RASGRP4: variants seen among roughly 807,000 people sequenced by gnomAD.
RASGRP4 encodes RAS guanyl releasing protein 4.
A neutral mutation model predicts 84.4 loss-of-function variants in RASGRP4; 52 were observed. The observed-to-expected ratio is 0.62, with a 90% CI of 0.49 to 0.78. The LOEUF is 0.78. RASGRP4 is among the 30% of genes least tolerant of loss of function. The pLI is 0.00. For synonymous variants in RASGRP4, 356 were observed against 359.1 expected, an observed-to-expected ratio of 0.99 and a Z score of 0.10; for missense variants, 760 against 886.9, an observed-to-expected ratio of 0.86 and a Z score of 1.82.
Position 38,418,037 on chromosome 19 carries a change from C to G in RASGRP4, c.837+354G>C, listed in dbSNP as rs558543736. ...GAGCGATGCACAATCCCGAAGCGAC[C>G]GCTGGGGCCTGGGGACTGGGGATTG... On this transcript the variant is annotated intron_variant, in intron 7 of 16. Transcript: ENST00000615439. The surrounding 1 kb of genome is among the most constrained non-coding windows in gnomAD (Gnocchi z 4.6). Among the ~76,000 whole-genome samples the G allele has an allele frequency of 1.3e-5, 2 of 151,384 alleles. No homozygotes were observed. Among genetic ancestry groups the G allele is most frequent in the South Asian group, 4.2e-4 (2 of 4,790 alleles).
intron 8 of RASGRP4, 107 bp downstream of exon 8, chr19:38,416,944 AT>A: frequency 1.4e-6 from 1 of 696,450 alleles, no homozygotes. Context: ...CAAGGACTTC[AT>A]GTGGTACCAG....
intron 1 of RASGRP4, 117 bp from the exon 2 acceptor site, chr19:38,422,270 C>G (rs938249395): frequency 1.1e-6 from 1 of 893,972 alleles, no homozygotes; most frequent in Non-Finnish European, 1.7e-6. Context: ...AGGCAAAGCC[C>G]CAGGGTTACC....
At chr19:38,411,414 C>T (rs1192441668) in intron 13 of RASGRP4, 33 bp from the exon 14 acceptor site, 1 of 1,510,386 alleles carries the variant, frequency 6.6e-7, no homozygotes, top group Non-Finnish European at 8.9e-7. Flanking sequence ...GTTACCCATC[C>T]TAGGAGAGGG....
intron 8 of RASGRP4, among the ~76,000 whole-genome samples, chr19:38,415,717 C>T (rs968157067): frequency 3.3e-5 from 5 of 152,028 alleles, no homozygotes; most frequent in African/African-American, 1.2e-4. Context: ...CTCTGTCACC[C>T]AGGCTGGAGT....
chr19:38,419,380 C>G (rs1971639135), intron 6 of RASGRP4, among the ~76,000 whole-genome samples: 1 of 152,212 alleles, frequency 6.6e-6, no homozygotes, highest in Non-Finnish European at 1.5e-5. Flanking sequence ...ATTTTGAGCA[C>G]TTACTAAGTG....
rs1600571711 is a variant in RASGRP4 at position 38,420,236 on chromosome 19, A to G, written c.404T>C (p.Val135Ala). The G allele has an allele frequency of 5.6e-6, 9 of 1,613,160 alleles. No individual in the cohort carries two copies. The East Asian group carries it at 2.0e-4, about 36-fold the overall frequency. Residue 135 changes from valine to alanine, a missense_variant, in exon 5 of 17, where the codon GTG (valine) becomes GCG (alanine). Transcript: ENST00000615439. Reference sequence around the variant, plus strand: ...TTCTAGCTGGGGATCCTGGTGCATCACCTCAGGGTGTCGCATCAGCCAGTA... The same window carrying G: ...TTCTAGCTGGGGATCCTGGTGCATCGCCTCAGGGTGTCGCATCAGCCAGTA... ...VRYWLMRHPE[V>A]MHQDPQLEEV... is the part of the protein sequence containing the mutation.
At chr19:38,420,685 A>C (rs1197331745) in intron 4 of RASGRP4, among the ~76,000 whole-genome samples, 1 of 125,476 alleles carries the variant, frequency 8.0e-6, no homozygotes, top group Non-Finnish European at 1.6e-5. Flanking sequence ...GGTCTATGGG[A>C]TCTGGTTGGT....
chr19:38,421,636 C>G (rs1971755885), intron 2 of RASGRP4, among the ~76,000 whole-genome samples: 1 of 151,970 alleles, frequency 6.6e-6, no homozygotes, highest in Non-Finnish European at 1.5e-5. Context: ...CTCTTGAACC[C>G]AGGAGGTGGG....
At chr19:38,424,619 G>GT (rs762407850) in intron 1 of RASGRP4, among the ~76,000 whole-genome samples, 1 of 142,748 alleles carries the variant, frequency 7.0e-6, no homozygotes, top group African/African-American at 2.6e-5. Flanking sequence ...GTGTCAATGG[G>GT]GGGGGGGGTC....
Position 38,413,153 on chromosome 19 carries a change from C to T in RASGRP4, c.1416+40G>A, listed in dbSNP as rs1971341612. On this transcript the variant is annotated intron_variant, in intron 11 of 16. Transcript: ENST00000615439. The surrounding 1 kb of genome is among the most constrained non-coding windows in gnomAD (Gnocchi z 4.7). ...GCTCAGGGTTCTACAGATGTCTTCC[C>T]TCCTGGCTGCTGGCGGCCGGGCCAC... The T allele has an allele frequency of 1.3e-6, 2 of 1,595,138 alleles. No homozygotes were observed. Among genetic ancestry groups the T allele is most frequent in the Non-Finnish European group, 1.7e-6 (2 of 1,163,654 alleles).
In RASGRP4 at chr19:38,412,599, T is replaced by C. The variant is rs1374236310; in HGVS notation, c.1680+73A>G. 1.4e-6 allele frequency: 2 copies of C among 1,421,900 alleles called. No homozygotes were observed. The highest frequency in any genetic ancestry group is 1.9e-6 in the Non-Finnish European group (2 of 1,045,196). The allele number at this position is 1,421,900 out of a possible 1,614,324, so 88.1% of individuals were successfully genotyped here. A position where few individuals can be genotyped will look rare whatever the true frequency, so the allele number is the denominator to read the frequency against. On this transcript the variant is annotated intron_variant, in intron 13 of 16. Transcript: ENST00000615439. This position sits in a 1 kb window ranked among gnomAD's most constrained non-coding sequence, Gnocchi z 4.6. The stretch of plus-strand genomic sequence containing the variant: ...CTGGAGGATTTCTGGAATTTGGGGG[T>C]TATCTGGGGTTTGCGGACTGCCGGC...
At position 38,412,770 on chromosome 19, in the gene RASGRP4, C is replaced by G; in HGVS notation, c.1582G>C (p.Ala528Pro). ...REELTGYLLRASAICSKLGLA... is the reference protein window; with the variant it reads ...REELTGYLLRPSAICSKLGLA... ...CCCAACTTGGAGCAGATGGCGCTGG[C>G]CCGGAGCAGGTACCCTGTCAGCTCC... Residue 528 changes from alanine (A) to proline (P), a missense_variant, in exon 13 of 17, where the codon GCC becomes CCC. Physicochemically the swap from Ala to Pro is conservative, Grantham distance 27. Coordinates refer to ENST00000615439, the MANE Select transcript of RASGRP4 (RefSeq NM_170604.3). This position sits in a 1 kb window ranked among gnomAD's most constrained non-coding sequence, Gnocchi z 4.6. 6.2e-7 allele frequency: 1 copy of G among 1,607,850 alleles called. No homozygotes were observed. Among genetic ancestry groups the G allele is most frequent in the Non-Finnish European group, 8.5e-7 (1 of 1,177,144 alleles).
chr19:38,421,322 C>A (rs1600574957), intron 2 of RASGRP4, 122 bp from the exon 3 acceptor site: 1 of 701,624 alleles, frequency 1.4e-6, no homozygotes, highest in East Asian at 2.7e-5. Flanking sequence ...CCAGCATGAC[C>A]TTGGACAGGC....
chr19:38,419,038 C>G (rs561020726), intron 6 of RASGRP4, among the ~76,000 whole-genome samples: 1 of 152,178 alleles, frequency 6.6e-6, no homozygotes. Flanking sequence ...CATTTCATAC[C>G]CACATCCACT....
At position 38,413,187 on chromosome 19, in the gene RASGRP4, C is replaced by T. The variant is rs754642395; in HGVS notation, c.1416+6G>A. 8.1e-6 allele frequency: 13 copies of T among 1,612,658 alleles called. No individual in the cohort carries two copies. Among genetic ancestry groups the T allele is most frequent in the Non-Finnish European group, 1.1e-5 (13 of 1,179,314 alleles). On this transcript the variant is annotated splice_donor_region_variant and intron_variant, in intron 11 of 16. Transcript: ENST00000615439. The surrounding 1 kb of genome is among the most constrained non-coding windows in gnomAD (Gnocchi z 4.7). ...GCTGGCGGCCGGGCCACCCTCCCCT[C>T]CTTACCTCCACCAGCTGCTCCACAT...
chr19:38,411,023 T>C (rs1180258543), intron 15 of RASGRP4, 25 bp from the exon 16 acceptor site: 1 of 1,609,280 alleles, frequency 6.2e-7, no homozygotes, highest in Admixed American at 1.7e-5. Context: ...ATGGAAGGGA[T>C]GTGGGTCTGA....
intron 1 of RASGRP4, among the ~76,000 whole-genome samples, chr19:38,422,451 A>G (rs1414718740): frequency 1.3e-5 from 2 of 152,140 alleles, no homozygotes; most frequent in Non-Finnish European, 2.9e-5. Flanking sequence ...GGACACAGAC[A>G]GGTACCAGTC....
intron 8 of RASGRP4, 94 bp from the exon 9 acceptor site, chr19:38,415,217 T>G: frequency 8.3e-7 from 1 of 1,205,848 alleles, no homozygotes; most frequent in Non-Finnish European, 1.1e-6. Flanking sequence ...AGGGACCCAG[T>G]GGCATTGTGG....
chr19:38,409,980 C>G lies in RASGRP4; in HGVS notation c.*60G>C. The G allele has an allele frequency of 7.1e-7, 1 of 1,410,012 alleles. No homozygotes were observed. Among genetic ancestry groups the G allele is most frequent in the Non-Finnish European group, 9.8e-7 (1 of 1,022,410 alleles). 87.3% of individuals were successfully genotyped at this position (1,410,012 alleles called of 1,614,324 possible). ...CTCTGGGAGCCCTGCCAGAGTCTGA[C>G]GGCAGGACTCAGGACTGACTGGGGG... On this transcript the variant is annotated 3_prime_UTR_variant, in exon 17 of 17. Coordinates refer to ENST00000615439, the MANE Select transcript of RASGRP4 (RefSeq NM_170604.3).
Sources: allele counts gnomAD v4.1 joint callset (sites outside exome capture counted in the v4.1 genomes callset), GRCh38; gene constraint gnomAD v4.1.1; non-coding constraint Gnocchi (gnomAD v3.1); transcripts MANE v1.5; gene names NCBI Gene and HGNC (gene_info 2026-07-23, HGNC 2026-07-21).